The following AOX1 variants were observed in gnomAD, a reference collection of about 807,000 sequenced individuals.
AOX1 encodes the protein aldehyde oxidase 1.
AOX1 carries 153 observed loss-of-function variants against 169.5 expected under a neutral mutation model. The observed-to-expected ratio is 0.90, with a 90% confidence interval of 0.79 to 1.03. The LOEUF is 1.03. Ranked by LOEUF, AOX1 falls within the 50% of genes least tolerant of loss-of-function variation. The pLI is 0.00. For synonymous variants in AOX1, 562 were observed against 581.9 expected (o/e 0.97, Z 0.49); for missense variants, 1,656 against 1,663.9 (o/e 1.00, Z 0.08).
Position 200,609,113 on chromosome 2 carries a change from G to T in AOX1, c.1037G>T (p.Gly346Val). Residue 346 changes from glycine to valine, a missense_variant, in exon 11 of 35, where the codon GGG (glycine) becomes GTG (valine). Physicochemically the swap from Gly to Val is moderately radical, Grantham distance 109. Transcript: ENST00000374700. ...ALLKHLGTLA[G>V]SQIRNMASLG... ...CTGAAGCATTTGGGAACTCTGGCTG[G>T]GTCCCAGATCAGGAACATGGCTGTA... 1 of 1,613,980 alleles carries T rather than the reference G, an allele frequency of 6.2e-7. No individual in the cohort carries two copies. Among genetic ancestry groups the T allele is most frequent in the East Asian group, 2.2e-5 (1 of 44,874 alleles).
intron 26 of AOX1, among the ~76,000 whole-genome samples, chr2:200,652,641 C>T (rs1280968978): frequency 6.6e-6 from 1 of 152,190 alleles, no homozygotes; most frequent in Admixed American, 6.5e-5. Context: ...TCTGGAAATC[C>T]TCTCACGTTT....
intron 25 of AOX1, among the ~76,000 whole-genome samples, chr2:200,644,172 T>C (rs990926887): frequency 1.3e-5 from 2 of 152,272 alleles, no homozygotes; most frequent in Non-Finnish European, 2.9e-5. Flanking sequence ...TCCAATGTTA[T>C]CTTCTAGAAT....
At chr2:200,645,152 A>G (rs1180075962) in intron 25 of AOX1, among the ~76,000 whole-genome samples, 1 of 57,576 alleles carries the variant, frequency 1.7e-5, no homozygotes, top group Admixed American at 1.8e-4. Context: ...TTTCCCATTC[A>G]ATATTATGTT....
chr2:200,590,563 AAACAACAAC>A (rs572100671), intron 1 of AOX1, among the ~76,000 whole-genome samples: 6 of 151,932 alleles, frequency 3.9e-5, no homozygotes, highest in South Asian at 4.2e-4. Flanking sequence ...CACTACATCA[AAACAACAAC>A]AACAACAACA....
In AOX1 at chr2:200,616,071, G is replaced by A; in HGVS notation, c.1704+8G>A. ...AGTACATTAAAGTACCAGGTGAGCG[G>A]TATTTCTTGTTTTTAAAAATTCACA... On this transcript the variant is annotated splice_region_variant and intron_variant, in intron 16 of 34. Coordinates refer to ENST00000374700, the MANE Select transcript of AOX1 (RefSeq NM_001159.4). The A allele has an allele frequency of 6.3e-7, 1 of 1,599,160 alleles. No homozygotes were observed. The highest frequency in any genetic ancestry group is 8.6e-7 in the Non-Finnish European group (1 of 1,166,678).
At chr2:200,627,605 C>T (rs1235946390) in intron 20 of AOX1, among the ~76,000 whole-genome samples, 156 bp downstream of exon 20, 1 of 152,114 alleles carries the variant, frequency 6.6e-6, no homozygotes, top group Non-Finnish European at 1.5e-5. Context: ...GTGTTTCCCT[C>T]CGTCTCTGGG....
chr2:200,679,663 C>A (rs551504491), downstream of AOX1, among the ~76,000 whole-genome samples: 3 of 152,034 alleles, frequency 2.0e-5, no homozygotes, highest in East Asian at 1.9e-4. Context: ...GACGCCCCCC[C>A]CCGAGTCTGT....
intron 4 of AOX1, 52 bp from the exon 5 acceptor site, chr2:200,599,568 G>A (rs1224630423): frequency 1.8e-5 from 26 of 1,468,224 alleles, no homozygotes; most frequent in Admixed American, 1.9e-5. Flanking sequence ...TAATTCATTA[G>A]GCCTGGGATG....
In AOX1 at chr2:200,617,481, CAAAAAAA is replaced by C. The variant is rs35035526; in HGVS notation, c.1704+1437_1704+1443del. Among the ~76,000 whole-genome samples the C allele has an allele frequency of 8.5e-3, 496 of 58,224 alleles. 7 individuals are homozygous for C. The highest frequency in any genetic ancestry group is 0.024 in the African/African-American group (385 of 16,092). 38.2% of individuals were successfully genotyped at this position (58,224 alleles called of 152,430 possible). A position where few individuals can be genotyped will look rare whatever the true frequency, so the allele number is the denominator to read the frequency against. On this transcript the variant is annotated intron_variant, in intron 16 of 34. Coordinates refer to ENST00000374700, the MANE Select transcript of AOX1 (RefSeq NM_001159.4). ...CCAGTAGATTTATCACAACTAACTGCAAAAAAAAAAAAAAAAAAAAAAAAATGTATGA... is the reference window on the plus strand; with the variant it reads ...CCAGTAGATTTATCACAACTAACTGCAAAAAAAAAAAAAAAAAATGTATGA...
chr2:200,611,851 C>T (rs188836977), intron 13 of AOX1, among the ~76,000 whole-genome samples: 366 of 151,816 alleles, frequency 2.4e-3, no homozygotes, highest in Non-Finnish European at 3.5e-3. Flanking sequence ...ATTACAGGTG[C>T]GCACCACCAT....
intron 20 of AOX1, among the ~76,000 whole-genome samples, chr2:200,630,537 T>A (rs866112980): frequency 1.8e-3 from 142 of 78,244 alleles, no homozygotes; most frequent in Admixed American, 2.6e-3. Flanking sequence ...GATGGATGGA[T>A]GGAAGGAAGG....
At chr2:200,607,367 TGC>T (rs1481426511) in intron 10 of AOX1, among the ~76,000 whole-genome samples, 1 of 152,174 alleles carries the variant, frequency 6.6e-6, no homozygotes, top group Non-Finnish European at 1.5e-5. Context: ...TTCGATGTGC[TGC>T]TCATCATCAC....
chr2:200,659,782 TCTCTCACACACACACACACACACACA>T (rs1339980629), intron 28 of AOX1, among the ~76,000 whole-genome samples, 187 bp from the exon 29 acceptor site: 3 of 134,682 alleles, frequency 2.2e-5, no homozygotes, highest in African/African-American at 8.9e-5. Flanking sequence ...GCCAGTTCTC[TCTCTCACACACACACACACACACACA>T]CACACACACA....
At chr2:200,591,497 A>G (rs1418966475) in intron 1 of AOX1, among the ~76,000 whole-genome samples, 1 of 152,032 alleles carries the variant, frequency 6.6e-6, no homozygotes, top group African/African-American at 2.4e-5. Context: ...AGTCCAACGC[A>G]CCCCCTGGAC....
chr2:200,603,221 G>A (rs1336400882), intron 6 of AOX1, 46 bp from the exon 7 acceptor site: 3 of 1,470,716 alleles, frequency 2.0e-6, no homozygotes, highest in African/African-American at 2.8e-5. Context: ...TTACTAGTTA[G>A]TAGAATCAGC....
chr2:200,651,784 ATTAAAGAAATC>A (rs1323968747), intron 26 of AOX1, among the ~76,000 whole-genome samples: 2 of 152,174 alleles, frequency 1.3e-5, no homozygotes, highest in African/African-American at 4.8e-5. Flanking sequence ...TCTTTCATTG[ATTAAAGAAATC>A]CCCTTGCTTG....
At chr2:200,673,130 T>G (rs2036051186), downstream of AOX1, among the ~76,000 whole-genome samples, 1 of 152,144 alleles carries the variant, frequency 6.6e-6, no homozygotes, top group East Asian at 1.9e-4. Flanking sequence ...TTTCTGTCCC[T>G]TTGCCAACTC....
intron 26 of AOX1, among the ~76,000 whole-genome samples, chr2:200,656,225 C>T (rs2035680066): frequency 6.6e-6 from 1 of 152,340 alleles, no homozygotes; most frequent in Non-Finnish European, 1.5e-5. Context: ...AAGAAGCCAT[C>T]CTTCTTTCCT....
chr2:200,675,363 T>C (rs912035195), downstream of AOX1, among the ~76,000 whole-genome samples: 1 of 152,172 alleles, frequency 6.6e-6, no homozygotes, highest in African/African-American at 2.4e-5. Flanking sequence ...TACTCACTAA[T>C]TGTCTAGCAA....
Sources: gnomAD v4.1 joint callset for allele counts (sites outside exome capture counted in the v4.1 genomes callset) on GRCh38, gnomAD v4.1.1 for gene constraint, MANE v1.5 for transcripts, NCBI Gene and HGNC (gene_info 2026-07-23, HGNC 2026-07-21) for gene names.